Variants in FAM227B observed in about 807,000 individuals in gnomAD.
FAM227B encodes the protein protein FAM227B.
Under a neutral mutation model 73.8 loss-of-function variants are expected in FAM227B, and 88 were observed. The observed-to-expected ratio is 1.19, with a 90% confidence interval of 1.00 to 1.42. FAM227B has a LOEUF of 1.42. Ranked by LOEUF, FAM227B falls within the 40% of genes most tolerant of loss-of-function variation. The pLI is 0.00. For missense variants in FAM227B, 632 were observed against 590.9 expected (o/e 1.07, Z -0.72); for synonymous variants, 210 against 190.5 (o/e 1.10, Z -0.84).
chr15:49,454,099 C>T (rs970868860), intron 11 of FAM227B, among the ~76,000 whole-genome samples: 3 of 152,118 alleles, frequency 2.0e-5, no homozygotes, highest in African/African-American at 7.2e-5. Context: ...TGAAACTCTG[C>T]TTTACCTCTA....
At chr15:49,353,628 T>C (rs1031421093) in intron 13 of FAM227B, 3 of 151,958 alleles carry the variant, frequency 2.0e-5, no homozygotes, top group East Asian at 1.9e-4. Context: ...TTTTTTTTTT[T>C]TGTAAAATCT....
chr15:49,498,679 G>T (rs2057844205), intron 11 of FAM227B, among the ~76,000 whole-genome samples: 1 of 152,144 alleles, frequency 6.6e-6, no homozygotes, highest in South Asian at 2.1e-4. Context: ...AGAGTGCCAA[G>T]TTGAAAAAAG....
intron 10 of FAM227B, among the ~76,000 whole-genome samples, chr15:49,528,371 A>T (rs1484018806): frequency 1.3e-5 from 2 of 151,730 alleles, no homozygotes; most frequent in African/African-American, 4.8e-5. Context: ...AGACTGAAAT[A>T]TAAGAACTGA....
chr15:49,547,504 G>C (rs1256829775), intron 9 of FAM227B, among the ~76,000 whole-genome samples: 1 of 152,112 alleles, frequency 6.6e-6, no homozygotes, highest in Admixed American at 6.5e-5. Context: ...AAAGAGTCAA[G>C]ACCCATCAGT....
intron 11 of FAM227B, among the ~76,000 whole-genome samples, chr15:49,432,560 T>C (rs1346815211): frequency 6.6e-6 from 1 of 151,682 alleles, no homozygotes; most frequent in African/African-American, 2.4e-5. Context: ...TTATTAAATT[T>C]CAACTTGAGA....
chr15:49,337,523 T>TTTTA (rs1300590886), intron 13 of FAM227B, among the ~76,000 whole-genome samples: 1 of 145,994 alleles, frequency 6.8e-6, no homozygotes, highest in African/African-American at 2.5e-5. Flanking sequence ...TTTTTTTTTT[T>TTTTA]TTTTTTTTTT....
intron 5 of FAM227B, among the ~76,000 whole-genome samples, chr15:49,581,357 C>T (rs1240994413): frequency 1.3e-4 from 19 of 149,988 alleles, no homozygotes; most frequent in African/African-American, 3.4e-4. Flanking sequence ...GACAGAGTTT[C>T]GCTCTTGTTG....
intron 3 of FAM227B, among the ~76,000 whole-genome samples, chr15:49,591,029 G>GTTTTTTTTTTTTTTGATTT (rs2076508271): frequency 9.5e-6 from 1 of 105,608 alleles, no homozygotes; most frequent in Non-Finnish European, 2.0e-5. Flanking sequence ...TCTTTTTTTT[G>GTTTTTTTTTTTTTTGATTT]TTTTTTTTTT....
At chr15:49,383,865 G>A (rs918589590) in intron 11 of FAM227B, among the ~76,000 whole-genome samples, 2 of 152,046 alleles carry the variant, frequency 1.3e-5, no homozygotes, top group South Asian at 2.1e-4. Context: ...ATAATCTCAC[G>A]TGCTAATGAT....
At chr15:49,591,484 CTTTTTTTTT>C (rs71120696) in intron 3 of FAM227B, among the ~76,000 whole-genome samples, 2 of 55,348 alleles carry the variant, frequency 3.6e-5, no homozygotes, top group Non-Finnish European at 6.8e-5. Context: ...CCCTTCCTTC[CTTTTTTTTT>C]TTTTTTTTTT....
chr15:49,474,914 G>C (rs2055113189), intron 11 of FAM227B, among the ~76,000 whole-genome samples: 1 of 152,244 alleles, frequency 6.6e-6, no homozygotes, highest in South Asian at 2.1e-4. Flanking sequence ...TGTTGGTTTA[G>C]AGTATCATCT....
At chr15:49,331,895 A>G (rs753944085) in intron 14 of FAM227B, 46 bp from the exon 15 acceptor site, 2 of 1,102,368 alleles carry the variant, frequency 1.8e-6, no homozygotes, top group African/African-American at 3.1e-5. Context: ...AATTGTCCTT[A>G]TATTGACACC....
rs16962434 is a variant in FAM227B, at chr15:49,419,534, T to A, written c.1013-48135A>T. Among the ~76,000 whole-genome samples the A allele has an allele frequency of 1.5e-4, 23 of 152,262 alleles. No homozygotes were observed. The East Asian group carries it at 4.3e-3, about 28-fold the overall frequency. ...ATATTTCATAAGCCCATTCTGCCAA[T>A]AGGAATTAAGTTTTGACCAGAACAG... On this transcript the variant is annotated intron_variant, in intron 11 of 15. Transcript: ENST00000299338.
chr15:49,482,950 C>T (rs113659909), intron 11 of FAM227B, among the ~76,000 whole-genome samples: 4,538 of 152,028 alleles, frequency 0.03, 243 homozygotes, highest in African/African-American at 0.1. Flanking sequence ...AAAAAACCAT[C>T]GGTTTGCACT....
At chr15:49,571,049 A>G (rs2152360889) in intron 8 of FAM227B, among the ~76,000 whole-genome samples, 1 of 151,402 alleles carries the variant, frequency 6.6e-6, no homozygotes, top group East Asian at 1.9e-4. Flanking sequence ...TGAAAATGCA[A>G]ATCTTTTCAA....
chr15:49,422,465 A>G, intron 11 of FAM227B: 1 of 1,188,188 alleles, frequency 8.4e-7, no homozygotes, highest in East Asian at 3.0e-5. Flanking sequence ...AACACTGATA[A>G]TCAATGTGAA....
At chr15:49,579,259 A>G (rs1018185146) in intron 5 of FAM227B, among the ~76,000 whole-genome samples, 4 of 152,202 alleles carry the variant, frequency 2.6e-5, no homozygotes, top group African/African-American at 9.6e-5. Context: ...TCAAAAAACT[A>G]AAAATAGAAC....
intron 3 of FAM227B, among the ~76,000 whole-genome samples, chr15:49,610,163 C>T (rs919340312): frequency 5.9e-5 from 9 of 151,828 alleles, no homozygotes; most frequent in African/African-American, 2.2e-4. Context: ...CCTAGGTCCT[C>T]AAACATGTAT....
chr15:49,523,077 G>A (rs1197818636), intron 10 of FAM227B, among the ~76,000 whole-genome samples: 2 of 152,168 alleles, frequency 1.3e-5, no homozygotes, highest in African/African-American at 4.8e-5. Context: ...AGCAGATGTA[G>A]AGAAGTAGCA....
Sources: gnomAD v4.1 joint callset for allele counts (sites outside exome capture counted in the v4.1 genomes callset) on GRCh38, gnomAD v4.1.1 for gene constraint, MANE v1.5 for transcripts, NCBI Gene and HGNC (gene_info 2026-07-23, HGNC 2026-07-21) for gene names.